Variants in ETV6 observed in about 807,000 individuals in gnomAD.
The protein encoded by ETV6 is transcription factor ETV6.
In ETV6, 16 loss-of-function variants were observed where a neutral mutation model predicts 51.1. The ratio of observed to expected loss-of-function variants is 0.31; its 90% CI spans 0.21 to 0.48. The LOEUF (loss-of-function observed/expected upper bound fraction) is 0.48. Among genes scored for constraint, ETV6 ranks in the 20% least tolerant of loss-of-function variants. The pLI is 0.99. For missense variants in ETV6, 458 were observed against 594.8 expected (o/e 0.77, Z 2.39); for synonymous variants, 240 against 224.1 (o/e 1.07, Z -0.64).
At chr12:11,689,689 G>A (rs1045756202) in intron 1 of ETV6, among the ~76,000 whole-genome samples, 6 of 151,970 alleles carry the variant, frequency 3.9e-5, no homozygotes, top group South Asian at 4.2e-4. Flanking sequence ...TTGGGGAAGC[G>A]GGAGCTTTCT....
rs1946682162 is a variant in ETV6 at position 11,859,429 on chromosome 12, C to G, written c.463+5868C>G. Among the ~76,000 whole-genome samples the G allele has an allele frequency of 1.3e-5, 2 of 152,038 alleles. 1 individual carries two copies. Among genetic ancestry groups the G allele is most frequent in the South Asian group, 4.2e-4 (2 of 4,808 alleles). On this transcript the variant is annotated intron_variant, in intron 4 of 7. Coordinates refer to ENST00000396373, the MANE Select transcript of ETV6 (RefSeq NM_001987.5). ...GTGCTGGGATTACAAGCATGAGCCA[C>G]CACACCCGGCCTGAATCTGCTTCTT...
chr12:11,702,048 C>T (rs1864993273), intron 1 of ETV6, among the ~76,000 whole-genome samples: 1 of 152,126 alleles, frequency 6.6e-6, no homozygotes, highest in Non-Finnish European at 1.5e-5. Context: ...GTACAGGTAA[C>T]TTGGAGGCCT....
chr12:11,738,275 T>TTC (rs907887867), intron 1 of ETV6, among the ~76,000 whole-genome samples: 6 of 146,872 alleles, frequency 4.1e-5, no homozygotes, highest in Admixed American at 6.9e-5. Flanking sequence ...CTCTTTCTCT[T>TTC]TCTCTCTCTC....
chr12:11,883,276 C>CTTTTTTTTTTTTTTTTT (rs547786286), intron 5 of ETV6, among the ~76,000 whole-genome samples: 4 of 79,116 alleles, frequency 5.1e-5, no homozygotes, highest in East Asian at 7.7e-4. Flanking sequence ...ATGTCTTCTT[C>CTTTTTTTTTTTTTTTTT]TTTTTTTTTT....
chr12:11,719,464 G>A (rs764667935), intron 1 of ETV6, among the ~76,000 whole-genome samples: 1 of 152,230 alleles, frequency 6.6e-6, no homozygotes, highest in African/African-American at 2.4e-5. Context: ...ACAAGCTCTT[G>A]TAGCATTTTC....
intron 1 of ETV6, among the ~76,000 whole-genome samples, chr12:11,743,112 T>C (rs1865840807): frequency 6.6e-6 from 1 of 150,554 alleles, no homozygotes; most frequent in Non-Finnish European, 1.5e-5. Context: ...CAGACCTCTT[T>C]TATCTTTGAG....
intron 1 of ETV6, among the ~76,000 whole-genome samples, chr12:11,680,557 C>T (rs901936273): frequency 1.3e-5 from 2 of 152,214 alleles, no homozygotes; most frequent in Non-Finnish European, 2.9e-5. Flanking sequence ...GATTTTCTTA[C>T]AGCCAAGGAT....
intron 1 of ETV6, among the ~76,000 whole-genome samples, chr12:11,708,271 A>C (rs1169269539): frequency 6.6e-6 from 1 of 152,088 alleles, no homozygotes; most frequent in African/African-American, 2.4e-5. Flanking sequence ...AAAAAAAAAA[A>C]AAGAACAAGA....
chr12:11,666,782 G>A (rs1864202267), intron 1 of ETV6, among the ~76,000 whole-genome samples: 1 of 152,224 alleles, frequency 6.6e-6, no homozygotes, highest in African/African-American at 2.4e-5. Context: ...ACCGTCACAA[G>A]TTTTCCTGAC....
intron 1 of ETV6, among the ~76,000 whole-genome samples, chr12:11,669,415 C>G (rs1864267113): frequency 6.8e-6 from 1 of 147,180 alleles, no homozygotes; most frequent in Non-Finnish European, 1.5e-5. Flanking sequence ...TCCTCCCTTC[C>G]TCCTTCCTTT....
intron 2 of ETV6, among the ~76,000 whole-genome samples, chr12:11,790,386 G>A (rs541605341): frequency 3.9e-5 from 6 of 152,084 alleles, no homozygotes; most frequent in South Asian, 2.1e-4. Flanking sequence ...CAAGTTCTCC[G>A]TGCCTGGGTG....
In ETV6 at chr12:11,835,931, T is replaced by C. The variant is rs541486285; in HGVS notation, c.164-3209T>C. ...TGTGACCTTGGGCAAGTCCCTTAAA[T>C]GCGTTGGGCCTCAGTTTCCTAATCT... On this transcript the variant is annotated intron_variant, in intron 2 of 7. Transcript: ENST00000396373. 2.0e-5 allele frequency among the ~76,000 whole-genome samples: 3 copies of C among 152,348 alleles called. No individual in the cohort carries two copies. The South Asian group carries it at 6.2e-4, about 32-fold the overall frequency.
In ETV6 at chr12:11,846,936, G is replaced by C. The variant is rs117699789; in HGVS notation, c.329-6491G>C. On this transcript the variant is annotated intron_variant, in intron 3 of 7. Coordinates refer to ENST00000396373, the MANE Select transcript of ETV6 (RefSeq NM_001987.5). Reference sequence around the variant, plus strand: ...CGCCCAGGCTGGAGTGCAGTGGCACGATCTTGGCTCACTGCAAGGTCCACC... The same window carrying C: ...CGCCCAGGCTGGAGTGCAGTGGCACCATCTTGGCTCACTGCAAGGTCCACC... Among the ~76,000 whole-genome samples, 9 of 152,234 alleles carry C rather than the reference G, an allele frequency of 5.9e-5. No homozygotes were observed. The East Asian group carries it at 1.5e-3, about 26-fold the overall frequency.
chr12:11,726,389 A>T (rs577646288), intron 1 of ETV6, among the ~76,000 whole-genome samples: 17 of 152,298 alleles, frequency 1.1e-4, no homozygotes, highest in African/African-American at 3.6e-4. Flanking sequence ...TTGTGTACCC[A>T]CTATGCACTT....
At chr12:11,713,463 T>C (rs1282639897) in intron 1 of ETV6, among the ~76,000 whole-genome samples, 1 of 152,204 alleles carries the variant, frequency 6.6e-6, no homozygotes, top group African/African-American at 2.4e-5. Flanking sequence ...CTTTCCTCTT[T>C]TGTTACTAGT....
intron 2 of ETV6, among the ~76,000 whole-genome samples, chr12:11,789,646 C>T (rs1289177783): frequency 1.3e-5 from 2 of 152,056 alleles, no homozygotes; most frequent in Non-Finnish European, 2.9e-5. Context: ...TTCTTCTTTC[C>T]TCATACTTGA....
chr12:11,743,357 C>T (rs1455728964), intron 1 of ETV6, among the ~76,000 whole-genome samples: 1 of 152,114 alleles, frequency 6.6e-6, no homozygotes, highest in Non-Finnish European at 1.5e-5. Context: ...CTGTTTATTT[C>T]GGAGCCTGAA....
chr12:11,750,438 A>G (rs1865999438), intron 1 of ETV6, among the ~76,000 whole-genome samples: 1 of 152,102 alleles, frequency 6.6e-6, no homozygotes, highest in African/African-American at 2.4e-5. Flanking sequence ...GACTAGCCAG[A>G]GTGTCTTGTG....
intron 2 of ETV6, among the ~76,000 whole-genome samples, chr12:11,792,661 T>C (rs1036661296): frequency 6.7e-6 from 1 of 149,388 alleles, no homozygotes; most frequent in African/African-American, 2.5e-5. Context: ...CACTTCAGCC[T>C]GGGCAACAGA....
Sources: gnomAD v4.1 joint callset for allele counts (sites outside exome capture counted in the v4.1 genomes callset) on GRCh38, gnomAD v4.1.1 for gene constraint, MANE v1.5 for transcripts, NCBI Gene and HGNC (gene_info 2026-07-23, HGNC 2026-07-21) for gene names.